Variants in CEP128 observed in about 807,000 individuals in gnomAD.
The protein encoded by CEP128 is centrosomal protein 128.
In CEP128, 132 loss-of-function variants were observed where a neutral mutation model predicts 156.7. The ratio of observed to expected loss-of-function variants is 0.84; its 90% confidence interval spans 0.73 to 0.97. The LOEUF (loss-of-function observed/expected upper bound fraction) is 0.97, where lower values mean the gene tolerates loss of function less well. CEP128 is among the 50% of genes least tolerant of loss of function. CEP128 has a pLI of 0.00. For synonymous variants in CEP128, 469 were observed against 448.9 expected (o/e 1.04, Z -0.57); for missense variants, 1,252 against 1,281.9 (o/e 0.98, Z 0.36).
intron 19 of CEP128, among the ~76,000 whole-genome samples, chr14:80,667,571 C>A (rs1450087422): frequency 6.6e-6 from 1 of 152,088 alleles, no homozygotes; most frequent in Middle Eastern, 3.2e-3. Context: ...AAATGAATTT[C>A]CTCGAGGCCG....
intron 2 of CEP128, among the ~76,000 whole-genome samples, chr14:80,937,915 G>C (rs901558194): frequency 1.9e-5 from 2 of 106,490 alleles, no homozygotes; most frequent in Non-Finnish European, 4.1e-5. Flanking sequence ...TTTTTTTTTT[G>C]AGACAGCATC....
At chr14:80,653,705 G>A (rs1366531935) in intron 19 of CEP128, among the ~76,000 whole-genome samples, 12 of 152,048 alleles carry the variant, frequency 7.9e-5, no homozygotes, top group Admixed American at 7.9e-4. Flanking sequence ...TAAGAATTAT[G>A]CTAAATCTCC....
At chr14:80,558,583 T>C (rs968920555) in intron 21 of CEP128, among the ~76,000 whole-genome samples, 24 of 152,094 alleles carry the variant, frequency 1.6e-4, no homozygotes, top group African/African-American at 4.3e-4. Context: ...CCACCGCGCC[T>C]GGCCAATTTT....
At chr14:80,592,613 A>C (rs575732906) in intron 19 of CEP128, among the ~76,000 whole-genome samples, 7 of 152,304 alleles carry the variant, frequency 4.6e-5, no homozygotes, top group Non-Finnish European at 8.8e-5. Context: ...TATTCCAAAC[A>C]ATAGAAAAAG....
rs116563978 is a variant in CEP128, at chr14:80,845,595, G to C, written c.763-4827C>G. On this transcript the variant is annotated intron_variant, in intron 9 of 24. Transcript: ENST00000555265. The stretch of plus-strand genomic sequence containing the variant: ...TAGATAATTATGGAAATTTAATTTA[G>C]AATTTCTCAAGTTGTATATCTTTGA... Among the ~76,000 whole-genome samples the C allele has an allele frequency of 7.6e-3, 1,154 of 152,204 alleles. 14 individuals carry two copies. The highest frequency in any genetic ancestry group is 0.026 in the African/African-American group (1,092 of 41,532).
At chr14:80,566,484 T>C (rs1025567594) in intron 20 of CEP128, among the ~76,000 whole-genome samples, 1 of 152,184 alleles carries the variant, frequency 6.6e-6, no homozygotes, top group Admixed American at 6.5e-5. Flanking sequence ...AAGGTCAGCA[T>C]TTCTTACAGT....
At chr14:80,937,983 A>C (rs1456495395) in intron 2 of CEP128, among the ~76,000 whole-genome samples, 1 of 151,566 alleles carries the variant, frequency 6.6e-6, no homozygotes, top group Non-Finnish European at 1.5e-5. Context: ...TGCAGCCTCG[A>C]CCTTCTGGGC....
intron 18 of CEP128, among the ~76,000 whole-genome samples, chr14:80,754,328 G>GGTTTCAAT (rs1410502223): frequency 6.6e-6 from 1 of 152,020 alleles, no homozygotes; most frequent in African/African-American, 2.4e-5. Context: ...TTACCTGGAT[G>GGTTTCAAT]GTTTCAATAT....
chr14:80,881,000 C>T (rs1166701947), intron 8 of CEP128, among the ~76,000 whole-genome samples: 1 of 145,110 alleles, frequency 6.9e-6, no homozygotes, highest in African/African-American at 2.5e-5. Context: ...AAAACAGTTC[C>T]ATTTATGATA....
At chr14:80,956,297 C>T (rs1886680437) in intron 2 of CEP128, among the ~76,000 whole-genome samples, 1 of 152,182 alleles carries the variant, frequency 6.6e-6, no homozygotes, top group Non-Finnish European at 1.5e-5. Flanking sequence ...CTTAGCAGTT[C>T]TGCTGATTCA....
chr14:80,721,988 T>C (rs1278682640), intron 19 of CEP128, among the ~76,000 whole-genome samples: 1 of 152,236 alleles, frequency 6.6e-6, no homozygotes, highest in East Asian at 1.9e-4. Context: ...ACAAGGCTAC[T>C]GCTGTCATGT....
At chr14:80,559,487 C>CT (rs1279739029) in intron 20 of CEP128, among the ~76,000 whole-genome samples, 185 bp from the exon 21 acceptor site, 1 of 152,074 alleles carries the variant, frequency 6.6e-6, no homozygotes, top group South Asian at 2.1e-4. Flanking sequence ...ATGAATGTAT[C>CT]TTTTTTCATC....
intron 14 of CEP128, among the ~76,000 whole-genome samples, chr14:80,482,526 T>C (rs958622926): frequency 1.3e-5 from 2 of 152,208 alleles, no homozygotes; most frequent in African/African-American, 4.8e-5. Context: ...AAGCATCAAG[T>C]TGCATTATGG....
chr14:80,855,134 A>G (rs1223977132), intron 9 of CEP128, among the ~76,000 whole-genome samples: 4 of 152,148 alleles, frequency 2.6e-5, no homozygotes, highest in Non-Finnish European at 5.9e-5. Flanking sequence ...TTCACTTGCT[A>G]CACGCATTTT....
chr14:80,892,503 C>G (rs143744533), intron 8 of CEP128, among the ~76,000 whole-genome samples: 38 of 151,858 alleles, frequency 2.5e-4, no homozygotes, highest in African/African-American at 7.7e-4. Flanking sequence ...ATGATTTTTG[C>G]GTATCAAACC....
At chr14:80,702,780 A>C (rs1362615212) in intron 19 of CEP128, among the ~76,000 whole-genome samples, 1 of 152,160 alleles carries the variant, frequency 6.6e-6, no homozygotes, top group East Asian at 1.9e-4. Context: ...GGTTGCTTGG[A>C]TACCTTGCAG....
intron 24 of CEP128, among the ~76,000 whole-genome samples, chr14:80,500,149 A>T (rs912738302): frequency 6.6e-6 from 1 of 152,212 alleles, no homozygotes; most frequent in African/African-American, 2.4e-5. Context: ...ACAAACTTTC[A>T]TTAATGCTGG....
chr14:80,896,113 A>C (rs1889340623), intron 7 of CEP128, among the ~76,000 whole-genome samples: 1 of 152,196 alleles, frequency 6.6e-6, no homozygotes, highest in African/African-American at 2.4e-5. Flanking sequence ...CACTCTCAAT[A>C]AACACACAGG....
chr14:80,641,599 C>T (rs889404442), intron 19 of CEP128, among the ~76,000 whole-genome samples: 5 of 152,240 alleles, frequency 3.3e-5, no homozygotes, highest in East Asian at 1.9e-4. Flanking sequence ...AAAGTTTCTA[C>T]GGCTTAATAC....
Sources: gnomAD v4.1 joint callset for allele counts (sites outside exome capture counted in the v4.1 genomes callset) on GRCh38, gnomAD v4.1.1 for gene constraint, MANE v1.5 for transcripts, NCBI Gene and HGNC (gene_info 2026-07-23, HGNC 2026-07-21) for gene names.